Variants in CAMSAP3 observed in about 807,000 individuals in gnomAD.
CAMSAP3 encodes calmodulin regulated spectrin associated protein family member 3.
Under a neutral mutation model 112.5 loss-of-function variants are expected in CAMSAP3, and 34 were observed. The observed-to-expected ratio is 0.30, with a 90% CI of 0.23 to 0.40. The LOEUF (loss-of-function observed/expected upper bound fraction) is 0.40, where lower values mean the gene tolerates loss of function less well. Ranked by LOEUF, CAMSAP3 falls within the 10% of genes least tolerant of loss-of-function variation. The pLI, the probability that CAMSAP3 is intolerant of heterozygous loss-of-function variation, is 1.00. For synonymous variants in CAMSAP3, 868 were observed against 799.8 expected (o/e 1.09, Z -1.44); for missense variants, 1,602 against 1,770.3 (o/e 0.90, Z 1.71).
At position 7,615,856 on chromosome 19, in the gene CAMSAP3, G is replaced by A. The variant is rs980034560; in HGVS notation, c.3112+137G>A. ...AGGGGGCGGGTATGTGGGGTGACAG[G>A]GGGCCTCAGGTGGGGTTGGACACTG... On this transcript the variant is annotated intron_variant, in intron 13 of 16. Coordinates refer to ENST00000160298, the MANE Select transcript of CAMSAP3 (RefSeq NM_020902.2). The surrounding 1 kb of genome is among the most constrained non-coding windows in gnomAD (Gnocchi z 6.5). 5 of 654,546 alleles carry A rather than the reference G, an allele frequency of 7.6e-6. No homozygotes were observed. The highest frequency in any genetic ancestry group is 7.1e-5 in the South Asian group (2 of 28,058). The allele number at this position is 654,546 out of a possible 1,614,324, so 40.5% of individuals were successfully genotyped here.
rs1424922946 is a variant in CAMSAP3, at chr19:7,615,713, C to T, written c.3106C>T (p.Leu1036=). 7.1e-7 allele frequency: 1 copy of T among 1,403,882 alleles called. No homozygotes were observed. Among genetic ancestry groups the T allele is most frequent in the Non-Finnish European group, 9.2e-7 (1 of 1,085,746 alleles). The allele number at this position is 1,403,882 out of a possible 1,614,324, so 87.0% of individuals were successfully genotyped here. ...CCTGGCACGAAGCCCAGCCCGCGGC[C>T]TGCTGGGTGAGGACCCTTGGGGGAC... The part of the protein sequence containing the change: ...SALARSPARG[L]LGSRLSKIYS... Residue 1036 remains leucine, a synonymous_variant, in exon 13 of 17, where the codon CTG becomes TTG. Transcript: ENST00000160298. This position sits in a 1 kb window ranked among gnomAD's most constrained non-coding sequence, Gnocchi z 6.5.
rs780850724 is a variant in CAMSAP3 at position 7,610,952 on chromosome 19, G to A, written c.1049+21G>A. ...AGTAGGTACGCTCCCCACACTGGGC[G>A]AGTCTCTGGCATTGTGGGTGTGGGG... is the stretch of plus-strand genomic sequence containing the variant. On this transcript the variant is annotated intron_variant, in intron 8 of 16. Coordinates refer to ENST00000160298, the MANE Select transcript of CAMSAP3 (RefSeq NM_020902.2). The surrounding 1 kb of genome is among the most constrained non-coding windows in gnomAD (Gnocchi z 4.9). The A allele has an allele frequency of 1.0e-4, 164 of 1,578,716 alleles. No homozygotes were observed. Among genetic ancestry groups the A allele is most frequent in the Non-Finnish European group, 8.2e-5 (95 of 1,160,122 alleles).
At chr19:7,614,981 C>T (rs1176876563) in intron 11 of CAMSAP3, 8 of 638,782 alleles carry the variant, frequency 1.3e-5, no homozygotes, top group South Asian at 3.8e-5. Context: ...TGTGTGTGAG[C>T]GGCACCCAGT....
rs766669988 is a variant in CAMSAP3 at position 7,617,277 on chromosome 19, C to G, written c.3213-49C>G. On this transcript the variant is annotated intron_variant, in intron 14 of 16. Transcript: ENST00000160298. The surrounding 1 kb of genome is among the most constrained non-coding windows in gnomAD (Gnocchi z 7.5). ...GGAAGCTTCCCATCTCTGACCCCAC[C>G]TCCATCCCATCCTGACCCCACCTCC... 5 of 1,339,028 alleles carry G rather than the reference C, an allele frequency of 3.7e-6. No homozygotes were observed. Among genetic ancestry groups the G allele is most frequent in the Non-Finnish European group, 5.4e-6 (5 of 930,002 alleles). The allele number at this position is 1,339,028 out of a possible 1,614,324, so 82.9% of individuals were successfully genotyped here. A position where few individuals can be genotyped will look rare whatever the true frequency, so the allele number is the denominator to read the frequency against.
rs1280473281 is a variant in CAMSAP3, at chr19:7,615,621, C to G, written c.3014C>G (p.Ser1005Cys). 8 of 1,450,388 alleles carry G rather than the reference C, an allele frequency of 5.5e-6. No individual in the cohort carries two copies. The highest frequency in any genetic ancestry group is 7.3e-6 in the Non-Finnish European group (8 of 1,103,440). 89.8% of individuals were successfully genotyped at this position (1,450,388 alleles called of 1,614,324 possible). A position where few individuals can be genotyped will look rare whatever the true frequency, so the allele number is the denominator to read the frequency against. The change falls in exon 13 of 17, where the codon TCC becomes TGC. Residue 1005 changes from serine (S) to cysteine (C), a missense_variant. Around this residue, in one of 6 missense-constraint regions of CAMSAP3, gnomAD observed 1,100 missense variants for 1,135.7 expected, o/e 0.97. Coordinates refer to ENST00000160298, the MANE Select transcript of CAMSAP3 (RefSeq NM_020902.2). The surrounding 1 kb of genome is among the most constrained non-coding windows in gnomAD (Gnocchi z 6.5). ...DKVLRPRAAG[S>C]GGPGRGGRRA... ...GTGCTGCGGCCCCGGGCTGCGGGGT[C>G]CGGGGGTCCAGGTCGGGGCGGGCGG...
Position 7,617,535 on chromosome 19 carries a change from C to A in CAMSAP3, c.3326-8C>A. 4 of 1,613,434 alleles carry A rather than the reference C, an allele frequency of 2.5e-6. No individual in the cohort carries two copies. Among genetic ancestry groups the A allele is most frequent in the Non-Finnish European group, 3.4e-6 (4 of 1,179,380 alleles). ...CCCCCCACCCCCTCCCACTGCCTCA[C>A]CCTCTAGGTCCACGGCTGTACAAAG... On this transcript the variant is annotated splice_polypyrimidine_tract_variant and splice_region_variant and intron_variant, in intron 15 of 16. Transcript: ENST00000160298. The surrounding 1 kb of genome is among the most constrained non-coding windows in gnomAD (Gnocchi z 7.5).
chr19:7,601,475 C>T (rs55726729), intron 1 of CAMSAP3, among the ~76,000 whole-genome samples: 26,252 of 151,990 alleles, frequency 0.17, 2,446 homozygotes, highest in Admixed American at 0.25. Flanking sequence ...TGCGCCACCA[C>T]GCCCAGCTAA....
chr19:7,611,037 G>T lies in CAMSAP3; in HGVS notation c.1050-58G>T. The T allele has an allele frequency of 1.2e-6, 2 of 1,603,834 alleles. No individual in the cohort carries two copies. The highest frequency in any genetic ancestry group is 2.2e-5 in the East Asian group (1 of 44,774). ...CTGGGTGATGCTGTTGTCTCCCCCCGGGGAGAGGCGGAGGAGGAGGTGGGG... is the reference window on the plus strand; with the variant it reads ...CTGGGTGATGCTGTTGTCTCCCCCCTGGGAGAGGCGGAGGAGGAGGTGGGG... On this transcript the variant is annotated intron_variant, in intron 8 of 16. Coordinates refer to ENST00000160298, the MANE Select transcript of CAMSAP3 (RefSeq NM_020902.2). The surrounding 1 kb of genome is among the most constrained non-coding windows in gnomAD (Gnocchi z 6.9).
chr19:7,614,183 C>T (rs1310389920), intron 11 of CAMSAP3, among the ~76,000 whole-genome samples: 1 of 143,230 alleles, frequency 7.0e-6, no homozygotes, highest in Non-Finnish European at 1.5e-5. Flanking sequence ...TGGCGTGAAC[C>T]CAGGAGGTGG....
chr19:7,610,840 G>A lies in CAMSAP3; in HGVS notation c.995-37G>A, dbSNP rs1189847967. The A allele has an allele frequency of 6.2e-7, 1 of 1,609,650 alleles. No homozygotes were observed. The highest frequency in any genetic ancestry group is 8.5e-7 in the Non-Finnish European group (1 of 1,179,050). ...GGCCGGGTCGGGGGCGGGTGGGAGA[G>A]CCAAACCCCCGCCTGACCCTCTTCT... On this transcript the variant is annotated intron_variant, in intron 7 of 16. Coordinates refer to ENST00000160298, the MANE Select transcript of CAMSAP3 (RefSeq NM_020902.2). The surrounding 1 kb of genome is among the most constrained non-coding windows in gnomAD (Gnocchi z 4.9).
At chr19:7,604,339 G>A (rs980824864) in intron 1 of CAMSAP3, among the ~76,000 whole-genome samples, 1 of 152,052 alleles carries the variant, frequency 6.6e-6, no homozygotes, top group African/African-American at 2.4e-5. Context: ...AGGGACCTCA[G>A]GCTGTCTCTA....
chr19:7,617,118 T>C lies in CAMSAP3; in HGVS notation c.3213-208T>C, dbSNP rs1352045389. ...TGCCTGTAGAGACGGTGTTTCACCA[T>C]GTTGGCCAGGCTGGCCTCGAACTCC... On this transcript the variant is annotated intron_variant, in intron 14 of 16. Coordinates refer to ENST00000160298, the MANE Select transcript of CAMSAP3 (RefSeq NM_020902.2). The surrounding 1 kb of genome is among the most constrained non-coding windows in gnomAD (Gnocchi z 7.5). 6.6e-6 allele frequency among the ~76,000 whole-genome samples: 1 copy of C among 151,876 alleles called. No homozygotes were observed.
rs1485098912 is a variant in CAMSAP3 at position 7,608,927 on chromosome 19, C to T, written c.760+663C>T. ...GGGATTGCAAGTGTGAACCACTGCA[C>T]CCGGCCCAGAAGTACTTTTTGCATA... is the stretch of plus-strand genomic sequence containing the variant. On this transcript the variant is annotated intron_variant, in intron 5 of 16. Coordinates refer to ENST00000160298, the MANE Select transcript of CAMSAP3 (RefSeq NM_020902.2). Among the ~76,000 whole-genome samples, 5 of 152,208 alleles carry T rather than the reference C, an allele frequency of 3.3e-5. No individual in the cohort carries two copies. The East Asian group carries it at 9.6e-4, about 29-fold the overall frequency.
At chr19:7,601,878 A>G (rs1469905150) in intron 1 of CAMSAP3, among the ~76,000 whole-genome samples, 2 of 151,932 alleles carry the variant, frequency 1.3e-5, no homozygotes, top group African/African-American at 2.4e-5. Flanking sequence ...AGCCTGGTCA[A>G]CGTGGTGAAA....
At chr19:7,616,321 G>A (rs2030787024) in intron 13 of CAMSAP3, 2 of 552,876 alleles carry the variant, frequency 3.6e-6, no homozygotes, top group East Asian at 3.1e-5. Context: ...GCCAGTAGGG[G>A]CTGACCCAGT....
At chr19:7,596,177 G>T in intron 1 of CAMSAP3, 27 bp downstream of exon 1, 1 of 539,052 alleles carries the variant, frequency 1.9e-6, no homozygotes, top group Non-Finnish European at 2.4e-6. Flanking sequence ...GACCGGGGTC[G>T]GGGGCGGCGG....
At position 7,615,166 on chromosome 19, in the gene CAMSAP3, TCGGCGTCTGTCCC is replaced by T. The variant is rs2030709538; in HGVS notation, c.2671-15_2671-3del. ...TGGGGGAGGGGGTGGCTGGCTGGAC[TCGGCGTCTGTCCC>T]CAGGATGAAGACAAGCCTGAGGACG... On this transcript the variant is annotated splice_polypyrimidine_tract_variant and splice_region_variant and intron_variant, in intron 11 of 16. Coordinates refer to ENST00000160298, the MANE Select transcript of CAMSAP3 (RefSeq NM_020902.2). This position sits in a 1 kb window ranked among gnomAD's most constrained non-coding sequence, Gnocchi z 6.5. 6.4e-7 allele frequency: 1 copy of T among 1,553,430 alleles called. No individual in the cohort carries two copies. The highest frequency in any genetic ancestry group is 1.9e-5 in the Admixed American group (1 of 51,382).
In CAMSAP3 at chr19:7,611,688, C is replaced by G. The variant is rs1342514235; in HGVS notation, c.1195C>G (p.Arg399Gly). 5 of 1,562,442 alleles carry G rather than the reference C, an allele frequency of 3.2e-6. No individual in the cohort carries two copies. The highest frequency in any genetic ancestry group is 4.3e-6 in the Non-Finnish European group (5 of 1,151,448). ...TGACCCCTCCCTCCGGCCGCCCAGC[C>G]GTCCCCTCTCCCAGGCTGTGTCATT... ...LGKAWNRQLS[R>G]PLSQAVSFST... The change falls in exon 11 of 17, where the codon CGT (arginine) becomes GGT (glycine). Residue 399 changes from arginine to glycine, a missense_variant and splice_region_variant. By Grantham distance (125) the Arg-to-Gly change is moderately radical. Around this residue, in one of 6 missense-constraint regions of CAMSAP3, gnomAD observed 1,100 missense variants for 1,135.7 expected, o/e 0.97. Coordinates refer to ENST00000160298, the MANE Select transcript of CAMSAP3 (RefSeq NM_020902.2). The surrounding 1 kb of genome is among the most constrained non-coding windows in gnomAD (Gnocchi z 6.9).
Position 7,612,272 on chromosome 19 carries a change from G to T in CAMSAP3, c.1779G>T (p.Pro593=). The T allele has an allele frequency of 6.3e-7, 1 of 1,596,892 alleles. No individual in the cohort carries two copies. Among genetic ancestry groups the T allele is most frequent in the Non-Finnish European group, 8.5e-7 (1 of 1,172,334 alleles). Residue 593 remains proline (P), a synonymous_variant, in exon 11 of 17, where the codon CCG becomes CCT. Coordinates refer to ENST00000160298, the MANE Select transcript of CAMSAP3 (RefSeq NM_020902.2). The part of the protein sequence containing the change: ...AGSPTSTPAP[P]EALSSEMSEL... ...CCCCCACGTCCACTCCGGCCCCGCC[G>T]GAGGCCCTGAGCTCGGAGATGAGTG...
Sources: allele counts gnomAD v4.1 joint callset (sites outside exome capture counted in the v4.1 genomes callset), GRCh38; gene constraint gnomAD v4.1.1; regional missense constraint gnomAD v4.1.1; non-coding constraint Gnocchi (gnomAD v3.1); transcripts MANE v1.5; gene names NCBI Gene and HGNC (gene_info 2026-07-23, HGNC 2026-07-21).